Variants in MAMDC2 observed in about 807,000 individuals in gnomAD.
The protein encoded by MAMDC2 is MAM domain-containing protein 2.
Under a neutral mutation model 89.8 loss-of-function variants are expected in MAMDC2, and 57 were observed. That is an observed-to-expected ratio of 0.63 (90% CI 0.51 to 0.79). The LOEUF (loss-of-function observed/expected upper bound fraction) is 0.79, where lower values mean the gene tolerates loss of function less well. Among genes scored for constraint, MAMDC2 ranks in the 30% least tolerant of loss-of-function variants. The pLI is 0.00. For missense variants in MAMDC2, 800 were observed against 820.6 expected (o/e 0.97, Z 0.31); for synonymous variants, 313 against 293.4 (o/e 1.07, Z -0.68).
intron 2 of MAMDC2, among the ~76,000 whole-genome samples, chr9:70,103,303 A>G (rs1223381804): frequency 1.3e-5 from 2 of 152,184 alleles, no homozygotes; most frequent in South Asian, 2.1e-4. Context: ...GAAAATGAGT[A>G]TAGGTCGGAG....
intron 9 of MAMDC2, among the ~76,000 whole-genome samples, chr9:70,149,830 C>T (rs1477449086): frequency 2.6e-5 from 4 of 152,122 alleles, no homozygotes; most frequent in East Asian, 1.9e-4. Context: ...TAAGAAAGAC[C>T]GTGTATTTCA....
chr9:70,206,314 C>T (rs190228561), intron 11 of MAMDC2, among the ~76,000 whole-genome samples: 3 of 152,112 alleles, frequency 2.0e-5, no homozygotes, highest in African/African-American at 4.8e-5. Flanking sequence ...TTGTTAATCT[C>T]TTACAGCATC....
intron 4 of MAMDC2, among the ~76,000 whole-genome samples, chr9:70,112,015 C>T (rs564549081): frequency 6.6e-6 from 1 of 152,290 alleles, no homozygotes; most frequent in East Asian, 1.9e-4. Context: ...GGCAAGTAAA[C>T]CCCTGATTTC....
intron 2 of MAMDC2, among the ~76,000 whole-genome samples, chr9:70,097,523 A>C (rs1039642791): frequency 3.9e-5 from 6 of 152,190 alleles, no homozygotes; most frequent in Non-Finnish European, 2.9e-5. Flanking sequence ...CTGCTCTATA[A>C]ATGCAGGCTT....
intron 8 of MAMDC2, among the ~76,000 whole-genome samples, chr9:70,143,274 T>C (rs143126359): frequency 6.6e-6 from 1 of 152,234 alleles, no homozygotes; most frequent in Non-Finnish European, 1.5e-5. Context: ...TTTTGTTTCA[T>C]GAAAAGTGTA....
chr9:70,137,125 T>G (rs1186629923), intron 7 of MAMDC2, among the ~76,000 whole-genome samples: 1 of 152,218 alleles, frequency 6.6e-6, no homozygotes, highest in Non-Finnish European at 1.5e-5. Context: ...ATCTTTTTTT[T>G]TGTAATGTGT....
At chr9:70,217,903 T>C (rs2033479548) in intron 11 of MAMDC2, among the ~76,000 whole-genome samples, 1 of 152,228 alleles carries the variant, frequency 6.6e-6, no homozygotes, top group Non-Finnish European at 1.5e-5. Context: ...GTTTAGAGAT[T>C]ATTCATTAGA....
chr9:70,044,690 T>C lies in MAMDC2; in HGVS notation c.141T>C (p.Asn47=), dbSNP rs1587419270. ...SVLASLPWIL[N]EEGHYIYVDT... Reference sequence around the variant, plus strand: ...TGGCCTCTCTGCCGTGGATTTTAAATGAGGAAGGTAAGGAGGCTCGGTGGA... The same window carrying C: ...TGGCCTCTCTGCCGTGGATTTTAAACGAGGAAGGTAAGGAGGCTCGGTGGA... The change falls in exon 2 of 14, where the codon AAT becomes AAC. Residue 47 remains asparagine (N), a synonymous_variant. Transcript: ENST00000377182. The C allele has an allele frequency of 2.6e-6, 4 of 1,551,210 alleles. No homozygotes were observed. The highest frequency in any genetic ancestry group is 2.4e-5 in the East Asian group (1 of 40,910).
intron 11 of MAMDC2, among the ~76,000 whole-genome samples, chr9:70,181,110 TC>T (rs1432033215): frequency 1.3e-5 from 2 of 152,196 alleles, no homozygotes; most frequent in Admixed American, 6.5e-5. Context: ...ACATAGAGAA[TC>T]CTTTCCCCAT....
At chr9:70,223,167 G>C (rs2033597001) in intron 12 of MAMDC2, among the ~76,000 whole-genome samples, 1 of 146,096 alleles carries the variant, frequency 6.8e-6, no homozygotes, top group Admixed American at 6.8e-5. Context: ...AAAGATTCAG[G>C]TCTCCAAATT....
intron 2 of MAMDC2, among the ~76,000 whole-genome samples, chr9:70,056,423 T>C (rs1425269214): frequency 2.0e-5 from 3 of 152,224 alleles, no homozygotes; most frequent in Admixed American, 2.0e-4. Flanking sequence ...TTTCTAAAAA[T>C]CTTTTTTCTT....
chr9:70,068,946 G>A (rs1334711773), intron 2 of MAMDC2, among the ~76,000 whole-genome samples: 1 of 152,110 alleles, frequency 6.6e-6, no homozygotes, highest in Non-Finnish European at 1.5e-5. Context: ...GTAAAGCAAG[G>A]CAGATATAAG....
chr9:70,044,723 G>A (rs575727557), intron 2 of MAMDC2, 26 bp downstream of exon 2: 2 of 1,499,434 alleles, frequency 1.3e-6, no homozygotes, highest in South Asian at 1.2e-5. Flanking sequence ...GGAGAGGGGC[G>A]CGAAGTGAAC....
rs1458464296 is a variant in MAMDC2 at position 70,226,623 on chromosome 9, T to A, written c.*591T>A. 1 of 152,518 alleles carries A rather than the reference T, an allele frequency of 6.6e-6. No homozygotes were observed. The highest frequency in any genetic ancestry group is 1.5e-5 in the Non-Finnish European group (1 of 67,950). The allele number at this position is 152,518 out of a possible 1,614,324, so 9.4% of individuals were successfully genotyped here. A position where few individuals can be genotyped will look rare whatever the true frequency, so the allele number is the denominator to read the frequency against. On this transcript the variant is annotated 3_prime_UTR_variant, in exon 14 of 14. Coordinates refer to ENST00000377182, the MANE Select transcript of MAMDC2 (RefSeq NM_153267.5). ...AGGATCTTTCATGAATGTCCAAGGG[T>A]AAGTCAGTATTAATTAATGCTGTAT...
chr9:70,221,190 G>A (rs1016642452), intron 12 of MAMDC2, among the ~76,000 whole-genome samples: 20 of 150,370 alleles, frequency 1.3e-4, no homozygotes, highest in Admixed American at 4.7e-4. Context: ...TGGGGAGGAC[G>A]TAGAAAATGC....
intron 6 of MAMDC2, among the ~76,000 whole-genome samples, chr9:70,129,064 A>T (rs185821236): frequency 2.0e-3 from 300 of 152,346 alleles, no homozygotes; most frequent in Middle Eastern, 6.8e-3. Context: ...CAGTCCTACA[A>T]GACAGGTGTT....
chr9:70,207,788 C>T (rs2033259154), intron 11 of MAMDC2, among the ~76,000 whole-genome samples: 1 of 152,040 alleles, frequency 6.6e-6, no homozygotes, highest in Non-Finnish European at 1.5e-5. Context: ...GTTTTTAATC[C>T]ATCTTGAATT....
chr9:70,213,419 G>T (rs2033392222), intron 11 of MAMDC2, among the ~76,000 whole-genome samples: 1 of 151,992 alleles, frequency 6.6e-6, no homozygotes, highest in Non-Finnish European at 1.5e-5. Context: ...AATTACTTTT[G>T]GGATGAATTT....
intron 11 of MAMDC2, among the ~76,000 whole-genome samples, chr9:70,212,809 G>A (rs2033382745): frequency 6.6e-6 from 1 of 152,200 alleles, no homozygotes; most frequent in Admixed American, 6.5e-5. Context: ...GGAAACCTTA[G>A]TGAATAGTTT....
Sources: allele counts gnomAD v4.1 joint callset (sites outside exome capture counted in the v4.1 genomes callset), GRCh38; gene constraint gnomAD v4.1.1; transcripts MANE v1.5; gene names NCBI Gene and HGNC (gene_info 2026-07-23, HGNC 2026-07-21).